The following SPMIP2 variants were observed in gnomAD, a reference collection of about 807,000 sequenced individuals.
The protein encoded by SPMIP2 is protein SPMIP2.
At chr4:159,012,420 G>C in the SPMIP2 span, among the ~76,000 whole-genome samples, 2 of 152,264 alleles carry the variant, frequency 1.3e-5, no homozygotes, top group African/African-American at 4.8e-5. Context: ...GAGGATGTGG[G>C]CTGAGATGAT....
At chr4:158,974,627 G>T in the SPMIP2 span, among the ~76,000 whole-genome samples, 1 of 152,110 alleles carries the variant, frequency 6.6e-6, no homozygotes, top group Non-Finnish European at 1.5e-5. Flanking sequence ...TCCCTCCAAA[G>T]GATATGAACT....
At chr4:158,999,973 T>C in the SPMIP2 span, among the ~76,000 whole-genome samples, 1 of 152,228 alleles carries the variant, frequency 6.6e-6, no homozygotes, top group Non-Finnish European at 1.5e-5. Context: ...GCCACTGGCA[T>C]AGAGAACTTG....
chr4:159,005,506 G>A, the SPMIP2 span, among the ~76,000 whole-genome samples: 1 of 152,064 alleles, frequency 6.6e-6, no homozygotes, highest in African/African-American at 2.4e-5. Context: ...ATATATGGAT[G>A]CTCCCAGATA....
At chr4:159,035,059 G>C in the SPMIP2 span, 1 of 1,613,280 alleles carries the variant, frequency 6.2e-7, no homozygotes, top group Non-Finnish European at 8.5e-7. Flanking sequence ...TTTTCCCACA[G>C]TAGTAGATGT....
chr4:158,965,717 CT>C, the SPMIP2 span, among the ~76,000 whole-genome samples: 80,657 of 150,956 alleles, frequency 0.53, 22,642 homozygotes, highest in South Asian at 0.65. Flanking sequence ...ATTGAATAAG[CT>C]GGGAGTGGAC....
the SPMIP2 span, chr4:158,909,383 G>A: frequency 6.6e-6 from 1 of 151,234 alleles, no homozygotes; most frequent in Non-Finnish European, 1.5e-5. Flanking sequence ...TGCATGTTCA[G>A]CTCTCCAAGG....
chr4:158,897,998 T>C, the SPMIP2 span, among the ~76,000 whole-genome samples: 1 of 152,252 alleles, frequency 6.6e-6, no homozygotes, highest in Non-Finnish European at 1.5e-5. Context: ...TTAATCCATC[T>C]TGAGTTAATT....
At chr4:159,056,834 A>G in the SPMIP2 span, among the ~76,000 whole-genome samples, 1 of 152,214 alleles carries the variant, frequency 6.6e-6, no homozygotes. Flanking sequence ...TTAAGGAGGA[A>G]AGAAAGAAAG....
chr4:158,992,779 A>C, the SPMIP2 span, among the ~76,000 whole-genome samples: 1 of 152,208 alleles, frequency 6.6e-6, no homozygotes, highest in African/African-American at 2.4e-5. Context: ...TGGAAGGACA[A>C]GCAAGCTGGA....
the SPMIP2 span, among the ~76,000 whole-genome samples, chr4:158,923,364 A>G: frequency 6.6e-6 from 1 of 152,202 alleles, no homozygotes; most frequent in African/African-American, 2.4e-5. Flanking sequence ...TAAGTCTTCT[A>G]GTTAATGCAT....
the SPMIP2 span, chr4:159,007,115 A>G: frequency 1.3e-5 from 8 of 619,426 alleles, no homozygotes; most frequent in South Asian, 8.2e-5. Flanking sequence ...CAACTGAAGC[A>G]GCATATGGCC....
chr4:158,938,994 G>T, the SPMIP2 span, among the ~76,000 whole-genome samples: 7 of 152,148 alleles, frequency 4.6e-5, no homozygotes, highest in Non-Finnish European at 7.3e-5. Context: ...ATTCAGGAAG[G>T]TCTTCCAATT....
At chr4:159,053,346 T>C in the SPMIP2 span, among the ~76,000 whole-genome samples, 2 of 152,192 alleles carry the variant, frequency 1.3e-5, no homozygotes, top group African/African-American at 4.8e-5. Context: ...TTAAATGGTA[T>C]CTACTTGATG....
At chr4:158,997,206 C>T in the SPMIP2 span, among the ~76,000 whole-genome samples, 8 of 149,668 alleles carry the variant, frequency 5.3e-5, no homozygotes, top group South Asian at 4.2e-4. Flanking sequence ...GTTTGGTGTT[C>T]GTACTATCAT....
the SPMIP2 span, among the ~76,000 whole-genome samples, chr4:158,953,613 G>T: frequency 6.6e-6 from 1 of 152,270 alleles, no homozygotes; most frequent in East Asian, 1.9e-4. Flanking sequence ...ACCCCAGAAT[G>T]GTAAATCCAC....
the SPMIP2 span, among the ~76,000 whole-genome samples, chr4:158,942,409 C>T: frequency 7.0e-4 from 106 of 152,178 alleles, 1 homozygote; most frequent in Non-Finnish European, 1.9e-4. Flanking sequence ...TGTTAACAGG[C>T]TTTGCACTCA....
the SPMIP2 span, among the ~76,000 whole-genome samples, chr4:159,068,971 C>A: frequency 6.6e-6 from 1 of 152,150 alleles, no homozygotes; most frequent in Non-Finnish European, 1.5e-5. Context: ...TCCTAGATTA[C>A]CTCTTATGTT....
the SPMIP2 span, among the ~76,000 whole-genome samples, chr4:158,949,468 A>T: frequency 6.6e-6 from 1 of 152,246 alleles, no homozygotes; most frequent in Non-Finnish European, 1.5e-5. Flanking sequence ...AAACTGAGGC[A>T]TAGTTTAAAT....
the SPMIP2 span, chr4:158,909,277 G>T: frequency 6.6e-6 from 1 of 151,952 alleles, no homozygotes; most frequent in African/African-American, 2.4e-5. Context: ...TTATCTTAAA[G>T]ACTGGGGGGA....
Sources: gnomAD v4.1 joint callset for allele counts (sites outside exome capture counted in the v4.1 genomes callset) on GRCh38, gnomAD v4.1.1 for gene constraint, MANE v1.5 for transcripts, NCBI Gene and HGNC (gene_info 2026-07-23, HGNC 2026-07-21) for gene names.